RBMS3: variants seen among roughly 807,000 people sequenced by gnomAD.
RBMS3 encodes the protein RNA binding motif single stranded interacting protein 3.
Under a neutral mutation model 66.8 loss-of-function variants are expected in RBMS3, and 27 were observed. The observed-to-expected ratio is 0.40, with a 90% confidence interval of 0.30 to 0.56. The LOEUF is 0.56. Among genes scored for constraint, RBMS3 ranks in the 20% least tolerant of loss-of-function variants. The probability of loss-of-function intolerance (pLI) is 0.40; values close to 1 mark genes in which losing one functional copy is unlikely to be tolerated. For synonymous variants in RBMS3, 188 were observed against 183.0 expected, an observed-to-expected ratio of 1.03 and a Z score of -0.22; for missense variants, 513 against 549.5, an observed-to-expected ratio of 0.93 and a Z score of 0.66.
At chr3:29,972,002 T>C (rs114216250) in intron 12 of RBMS3, among the ~76,000 whole-genome samples, 36 of 152,254 alleles carry the variant, frequency 2.4e-4, no homozygotes, top group African/African-American at 8.2e-4. Flanking sequence ...ATTGAGATGA[T>C]GTAGGTCACA....
chr3:29,392,548 C>T (rs1212088232), intron 1 of RBMS3, among the ~76,000 whole-genome samples: 1 of 151,866 alleles, frequency 6.6e-6, no homozygotes, highest in African/African-American at 2.4e-5. Flanking sequence ...ATAATTTAAC[C>T]CCACCATTTA....
intron 8 of RBMS3, among the ~76,000 whole-genome samples, chr3:29,889,194 G>A (rs149992734): frequency 1.2e-3 from 185 of 151,624 alleles, no homozygotes; most frequent in Non-Finnish European, 1.1e-3. Flanking sequence ...CTTGTTGAAC[G>A]TGGAATTCTG....
chr3:29,472,812 G>A (rs1337565808), intron 2 of RBMS3, among the ~76,000 whole-genome samples: 3 of 152,104 alleles, frequency 2.0e-5, no homozygotes, highest in African/African-American at 4.8e-5. Flanking sequence ...AAGATTTATT[G>A]CAAAGAGCGA....
intron 4 of RBMS3, among the ~76,000 whole-genome samples, chr3:29,662,893 G>A (rs915450753): frequency 3.9e-5 from 6 of 152,130 alleles, no homozygotes; most frequent in African/African-American, 1.2e-4. Context: ...TCTTCTAAGA[G>A]TATCTTTAGC....
rs1321988183 is a variant in RBMS3 at position 29,832,450 on chromosome 3, C to CCCCCCAA, written c.638-36408_638-36407insCCCCCAA. ...GCCTGGGCATCTAGCAGAAAAGTCC[C>CCCCCCAA]AGTACACTGTTGGAGCAAAAGGTAT... On this transcript the variant is annotated intron_variant, in intron 6 of 14. Transcript: ENST00000383767. Among the ~76,000 whole-genome samples the CCCCCCAA allele has an allele frequency of 4.6e-5, 7 of 152,180 alleles. No individual in the cohort carries two copies. In the East Asian group the frequency reaches 1.4e-3, roughly 29 times the overall value.
chr3:29,977,630 A>T (rs962914829), intron 12 of RBMS3, among the ~76,000 whole-genome samples: 3 of 152,122 alleles, frequency 2.0e-5, no homozygotes, highest in African/African-American at 7.2e-5. Context: ...ATGGTTATTC[A>T]GTGCTCCTAC....
intron 3 of RBMS3, among the ~76,000 whole-genome samples, chr3:29,584,419 T>C (rs1453365593): frequency 1.3e-5 from 2 of 152,148 alleles, no homozygotes; most frequent in Non-Finnish European, 2.9e-5. Context: ...TAATAACATC[T>C]ATATCTTTGT....
chr3:29,802,183 C>A (rs1361034763), intron 6 of RBMS3, among the ~76,000 whole-genome samples: 1 of 152,048 alleles, frequency 6.6e-6, no homozygotes, highest in Non-Finnish European at 1.5e-5. Context: ...AAACCAGGAG[C>A]CCTTAGGAAT....
chr3:29,395,964 A>C (rs1473956335), intron 1 of RBMS3, among the ~76,000 whole-genome samples: 1 of 152,216 alleles, frequency 6.6e-6, no homozygotes, highest in Non-Finnish European at 1.5e-5. Flanking sequence ...GATGAGGAGC[A>C]AGATATTTGC....
At chr3:29,898,238 A>G (rs1280236574) in intron 9 of RBMS3, among the ~76,000 whole-genome samples, 2 of 151,614 alleles carry the variant, frequency 1.3e-5, no homozygotes, top group African/African-American at 4.8e-5. Context: ...AGTTCTTCCA[A>G]TTCTAATTAG....
chr3:29,908,266 C>A (rs2060432892), intron 10 of RBMS3, among the ~76,000 whole-genome samples: 1 of 151,336 alleles, frequency 6.6e-6, no homozygotes, highest in Non-Finnish European at 1.5e-5. Context: ...AAAAAACAAA[C>A]AAACAGAATT....
intron 1 of RBMS3, among the ~76,000 whole-genome samples, chr3:29,332,670 G>A (rs1022202398): frequency 2.6e-5 from 4 of 152,110 alleles, no homozygotes; most frequent in African/African-American, 9.7e-5. Flanking sequence ...CTTTCCAAGA[G>A]TGTTTGCACA....
chr3:29,342,922 G>A (rs1369640717), intron 1 of RBMS3, among the ~76,000 whole-genome samples: 2 of 152,130 alleles, frequency 1.3e-5, no homozygotes, highest in Admixed American at 6.6e-5. Flanking sequence ...TGGCTTGTGT[G>A]AGAGTAGAGA....
chr3:29,346,829 C>G (rs1575587341), intron 1 of RBMS3, among the ~76,000 whole-genome samples: 1 of 152,260 alleles, frequency 6.6e-6, no homozygotes, highest in East Asian at 1.9e-4. Flanking sequence ...TTCTTAGTTT[C>G]TATAAAAGCA....
At chr3:29,734,766 T>C (rs2054304577) in intron 4 of RBMS3, among the ~76,000 whole-genome samples, 1 of 152,146 alleles carries the variant, frequency 6.6e-6, no homozygotes, top group South Asian at 2.1e-4. Context: ...ATTAACATAA[T>C]ATCAAATGCA....
At chr3:29,954,593 C>T (rs943065463) in intron 12 of RBMS3, among the ~76,000 whole-genome samples, 2 of 151,902 alleles carry the variant, frequency 1.3e-5, no homozygotes, top group African/African-American at 4.8e-5. Flanking sequence ...AAATCTTTTA[C>T]CAATTGGTGA....
At chr3:29,291,677 A>C (rs113466262) in intron 1 of RBMS3, among the ~76,000 whole-genome samples, 147 of 151,968 alleles carry the variant, frequency 9.7e-4, no homozygotes, top group Non-Finnish European at 1.9e-3. Context: ...TATATGTATT[A>C]AAACTGACAT....
intron 4 of RBMS3, among the ~76,000 whole-genome samples, chr3:29,650,152 A>G (rs1250658043): frequency 2.6e-5 from 4 of 152,120 alleles, no homozygotes; most frequent in African/African-American, 7.2e-5. Flanking sequence ...TGTCTGAGAT[A>G]TTTTCTTAAA....
chr3:29,753,889 CACTTTTTCTTTTCAGAGAGAA>C (rs2055292572), intron 5 of RBMS3, among the ~76,000 whole-genome samples: 1 of 152,092 alleles, frequency 6.6e-6, no homozygotes, highest in Non-Finnish European at 1.5e-5. Flanking sequence ...TGTAAGATTA[CACTTTTTCTTTTCAGAGAGAA>C]ACTATTTTTT....
Sources: allele counts gnomAD v4.1 joint callset (sites outside exome capture counted in the v4.1 genomes callset), GRCh38; gene constraint gnomAD v4.1.1; transcripts MANE v1.5; gene names NCBI Gene and HGNC (gene_info 2026-07-23, HGNC 2026-07-21).